The following TCHP variants were observed in gnomAD, a reference collection of about 807,000 sequenced individuals.
TCHP encodes the protein trichoplein keratin filament-binding protein.
Under a neutral mutation model 88.7 loss-of-function variants are expected in TCHP, and 81 were observed. The observed-to-expected ratio is 0.91, with a 90% CI of 0.76 to 1.10. The LOEUF is 1.10. Among genes scored for constraint, TCHP ranks in the 50% least tolerant of loss-of-function variants. The pLI, the probability that TCHP is intolerant of heterozygous loss-of-function variation, is 0.00. For synonymous variants in TCHP, 232 were observed against 232.5 expected (o/e 1.00, Z 0.02); for missense variants, 641 against 632.1 (o/e 1.01, Z -0.15).
At chr12:109,885,093 C>A in the TCHP span, among the ~76,000 whole-genome samples, 2 of 152,182 alleles carry the variant, frequency 1.3e-5, no homozygotes, top group African/African-American at 4.8e-5. Flanking sequence ...CTCAGCCTCC[C>A]GGGTAGCTGG....
the TCHP span, among the ~76,000 whole-genome samples, chr12:109,883,334 C>G: frequency 1.3e-5 from 2 of 152,042 alleles, no homozygotes; most frequent in Non-Finnish European, 2.9e-5. Flanking sequence ...CTGTGCCCAG[C>G]CTGAATGTTT....
chr12:109,915,136 C>T (rs1027074611), intron 11 of TCHP: 11 of 553,984 alleles, frequency 2.0e-5, no homozygotes, highest in South Asian at 1.8e-4. Flanking sequence ...CAGCTTTCCA[C>T]GAGGTACACG....
chr12:109,905,855 G>A lies in TCHP; in HGVS notation c.457-717G>A, dbSNP rs7961976. On this transcript the variant is annotated intron_variant, in intron 4 of 12. Transcript: ENST00000405876. The surrounding 1 kb of genome is among the most constrained non-coding windows in gnomAD (Gnocchi z 4.0). Reference sequence around the variant, plus strand: ...TAATTGCCTATGTTCACAGCTGTAAGTTGGGAAAGATTATTTTAAAACTTT... The same window carrying A: ...TAATTGCCTATGTTCACAGCTGTAAATTGGGAAAGATTATTTTAAAACTTT... Among the ~76,000 whole-genome samples the A allele has an allele frequency of 0.095, 14,452 of 152,184 alleles. 1,410 individuals are homozygous for A. Among genetic ancestry groups the A allele is most frequent in the African/African-American group, 0.26 (10,619 of 41,478 alleles).
upstream of TCHP, among the ~76,000 whole-genome samples, chr12:109,899,580 G>C (rs886408888): frequency 2.6e-5 from 4 of 152,174 alleles, no homozygotes; most frequent in African/African-American, 9.6e-5. Flanking sequence ...GGAGGTTGCA[G>C]TGAATCGAGA....
rs1336385228 is a variant in TCHP, at chr12:109,914,523, G to C, written c.1216G>C (p.Glu406Gln). Reference protein sequence around the residue: ...RAQEESLKHREQLIRNLEEVR... With the variant: ...RAQEESLKHRQQLIRNLEEVR... ...ACAAGAGGAATCCCTGAAACACAGG[G>C]AGCAACTTATTCGAAATCTTGAGGA... The change falls in exon 11 of 13, where the codon GAG becomes CAG. Residue 406 changes from glutamate to glutamine, a missense_variant. By Grantham distance (29) the Glu-to-Gln change is conservative (BLOSUM62 2). Transcript: ENST00000405876. 1.9e-6 allele frequency: 3 copies of C among 1,614,042 alleles called. No individual in the cohort carries two copies. In the African/African-American group the frequency reaches 4.0e-5, roughly 22 times the overall value.
chr12:109,911,366 C>T (rs868257438), intron 9 of TCHP, 131 bp downstream of exon 9: 1 of 527,006 alleles, frequency 1.9e-6, no homozygotes, highest in African/African-American at 2.0e-5. Flanking sequence ...AATCCTAGCA[C>T]TTTGAGAGGC....
At chr12:109,882,354 A>G in the TCHP span, among the ~76,000 whole-genome samples, 11 of 151,132 alleles carry the variant, frequency 7.3e-5, no homozygotes, top group African/African-American at 1.7e-4. Flanking sequence ...GAATTGCTTG[A>G]ACCAGGGAGG....
In TCHP at chr12:109,906,696, G is replaced by A. The variant is rs374021315; in HGVS notation, c.525+56G>A. The A allele has an allele frequency of 4.2e-5, 61 of 1,452,980 alleles. No homozygotes were observed. The East Asian group carries it at 4.3e-4, about 10-fold the overall frequency. The allele number at this position is 1,452,980 out of a possible 1,614,324, so 90.0% of individuals were successfully genotyped here. A position where few individuals can be genotyped will look rare whatever the true frequency, so the allele number is the denominator to read the frequency against. Reference sequence around the variant, plus strand: ...TATTCTGCTGTGCGAGACTGTTCACGTCTTTGCATTCGTTTACCGTTTTCA... The same window carrying A: ...TATTCTGCTGTGCGAGACTGTTCACATCTTTGCATTCGTTTACCGTTTTCA... On this transcript the variant is annotated intron_variant, in intron 5 of 12. Transcript: ENST00000405876.
chr12:109,891,748 A>G, the TCHP span, among the ~76,000 whole-genome samples: 59 of 151,156 alleles, frequency 3.9e-4, no homozygotes, highest in Non-Finnish European at 7.4e-4. Flanking sequence ...CTTGTCGCCC[A>G]GGCTGGCGTG....
At chr12:109,894,361 G>C in the TCHP span, among the ~76,000 whole-genome samples, 1 of 151,804 alleles carries the variant, frequency 6.6e-6, no homozygotes, top group African/African-American at 2.4e-5. Context: ...TGAGGAGGCT[G>C]AGGCAGGAGA....
intron 4 of TCHP, 47 bp from the exon 5 acceptor site, chr12:109,906,525 C>T: frequency 1.3e-6 from 2 of 1,586,500 alleles, no homozygotes; most frequent in Non-Finnish European, 1.7e-6. Context: ...CCCACAGTGC[C>T]CATCTGTCTG....
At chr12:109,913,693 T>G (rs1047619977) in intron 10 of TCHP, among the ~76,000 whole-genome samples, 2 of 151,804 alleles carry the variant, frequency 1.3e-5, no homozygotes, top group East Asian at 3.9e-4. Flanking sequence ...GAAGAGAGAG[T>G]GTTACCCATG....
Position 109,903,364 on chromosome 12 carries a change from G to A in TCHP, c.188+150G>A. On this transcript the variant is annotated intron_variant, in intron 2 of 12. Transcript: ENST00000405876. This position sits in a 1 kb window ranked among gnomAD's most constrained non-coding sequence, Gnocchi z 4.6. Reference sequence around the variant, plus strand: ...TTTTCCAGCTGGAAATGGAAAAAAAGATCATCAGTGCAGCCATACATTGGC... The same window carrying A: ...TTTTCCAGCTGGAAATGGAAAAAAAAATCATCAGTGCAGCCATACATTGGC... 2.9e-6 allele frequency: 2 copies of A among 698,526 alleles called. No homozygotes were observed. The highest frequency in any genetic ancestry group is 4.7e-6 in the Non-Finnish European group (2 of 425,386). The allele number at this position is 698,526 out of a possible 1,614,324, so 43.3% of individuals were successfully genotyped here.
At chr12:109,916,568 T>A (rs1397987197) in intron 12 of TCHP, 23 bp from the exon 13 acceptor site, 1 of 1,611,652 alleles carries the variant, frequency 6.2e-7, no homozygotes, top group African/African-American at 1.3e-5. Flanking sequence ...CTGATCACTC[T>A]TATGTTTTCT....
rs968237133 is a variant in TCHP, at chr12:109,917,311, A to G, written c.*688A>G. On this transcript the variant is annotated 3_prime_UTR_variant, in exon 13 of 13. Transcript: ENST00000405876. ...GACTGATCCCAACATGTATGTTACT[A>G]AGCCCCAAAACGAACTTCAAACTGG... The G allele has an allele frequency of 1.3e-5, 2 of 152,154 alleles. No homozygotes were observed. Among genetic ancestry groups the G allele is most frequent in the East Asian group, 3.8e-4 (2 of 5,198 alleles). The allele number at this position is 152,154 out of a possible 1,614,324, so 9.4% of individuals were successfully genotyped here.
chr12:109,907,471 G>T (rs911307071), intron 5 of TCHP, 55 bp from the exon 6 acceptor site: 2 of 1,569,766 alleles, frequency 1.3e-6, no homozygotes, highest in Non-Finnish European at 1.7e-6. Context: ...AGGAAGCTAG[G>T]TTTTTGTTGG....
In TCHP at chr12:109,916,832, C is replaced by T. The variant is rs2136085498; in HGVS notation, c.*209C>T. ...GAGTCCCTTTCATGCCTTTCTTACC[C>T]AAGCAAGGGTCTTTGATGGGCACGT... On this transcript the variant is annotated 3_prime_UTR_variant, in exon 13 of 13. Coordinates refer to ENST00000405876, the MANE Select transcript of TCHP (RefSeq NM_001143852.2). The T allele has an allele frequency of 1.8e-6, 1 of 562,878 alleles. No homozygotes were observed. Among genetic ancestry groups the T allele is most frequent in the East Asian group, 3.0e-5 (1 of 33,520 alleles). 34.9% of individuals were successfully genotyped at this position (562,878 alleles called of 1,614,324 possible).
chr12:109,882,630 A>G, the TCHP span, among the ~76,000 whole-genome samples: 1 of 132,658 alleles, frequency 7.5e-6, no homozygotes, highest in Non-Finnish European at 1.6e-5. Context: ...GCAGGAAGGG[A>G]GTGGTGAAGA....
At chr12:109,899,872 C>G (rs1183508861), upstream of TCHP, among the ~76,000 whole-genome samples, 1 of 152,030 alleles carries the variant, frequency 6.6e-6, no homozygotes, top group African/African-American at 2.4e-5. Flanking sequence ...AGTCATGGCT[C>G]ACGGCAGCCT....
Sources: allele counts gnomAD v4.1 joint callset (sites outside exome capture counted in the v4.1 genomes callset), GRCh38; gene constraint gnomAD v4.1.1; non-coding constraint Gnocchi (gnomAD v3.1); transcripts MANE v1.5; gene names NCBI Gene and HGNC (gene_info 2026-07-23, HGNC 2026-07-21).